Variants in MIS18A observed in about 807,000 individuals in gnomAD.
MIS18A encodes protein Mis18-alpha.
A neutral mutation model predicts 25.0 loss-of-function variants in MIS18A; 14 were observed. The ratio of observed to expected loss-of-function variants is 0.56; its 90% CI spans 0.37 to 0.88. The LOEUF is 0.88. MIS18A is among the 40% of genes least tolerant of loss of function. MIS18A has a pLI of 0.00. For synonymous variants in MIS18A, 134 were observed against 118.6 expected, an observed-to-expected ratio of 1.13 and a Z score of -0.84; for missense variants, 292 against 290.8, an observed-to-expected ratio of 1.00 and a Z score of -0.03.
At chr21:32,156,461 G>A in the MIS18A span, 1 of 152,118 alleles carries the variant, frequency 6.6e-6, no homozygotes, top group East Asian at 1.9e-4. Context: ...ATGCAGTGGA[G>A]GATTTACATG....
chr21:32,279,031 G>A lies in MIS18A; in HGVS notation c.-17C>T, dbSNP rs2031882780. ...GCCTGCCATTACCTACAAATCGCCCGCGCCCCAGAGCGCCATGGGAAAAAA... is the reference window on the plus strand; with the variant it reads ...GCCTGCCATTACCTACAAATCGCCCACGCCCCAGAGCGCCATGGGAAAAAA... On this transcript the variant is annotated 5_prime_UTR_variant, in exon 1 of 5. Transcript: ENST00000290130. The A allele has an allele frequency of 1.9e-6, 3 of 1,570,056 alleles. No homozygotes were observed. Among genetic ancestry groups the A allele is most frequent in the African/African-American group, 2.7e-5 (2 of 73,866 alleles).
chr21:32,241,037 G>GCCAAGC, the MIS18A span, among the ~76,000 whole-genome samples: 1 of 152,202 alleles, frequency 6.6e-6, no homozygotes, highest in African/African-American at 2.4e-5. Flanking sequence ...CTGTTAAAAT[G>GCCAAGC]TGGCCCTATT....
chr21:32,219,808 A>C, the MIS18A span, among the ~76,000 whole-genome samples: 1 of 152,080 alleles, frequency 6.6e-6, no homozygotes, highest in East Asian at 1.9e-4. Context: ...ATCCACCATT[A>C]CTGAGGCTTG....
chr21:32,232,410 CAT>C, the MIS18A span, among the ~76,000 whole-genome samples: 1 of 150,392 alleles, frequency 6.6e-6, no homozygotes, highest in Non-Finnish European at 1.5e-5. Context: ...CTTTATATTA[CAT>C]ATATCTTTAT....
chr21:32,205,097 C>CTTTT, the MIS18A span, among the ~76,000 whole-genome samples: 171 of 66,228 alleles, frequency 2.6e-3, 4 homozygotes, highest in South Asian at 3.6e-3. Flanking sequence ...AGAACTTGTC[C>CTTTT]TTTTTTTTTT....
At chr21:32,264,502 T>A (rs1271857649), downstream of MIS18A, among the ~76,000 whole-genome samples, 4 of 152,236 alleles carry the variant, frequency 2.6e-5, no homozygotes, top group African/African-American at 7.2e-5. Flanking sequence ...AGTAGTGTCA[T>A]ATGCATTATC....
chr21:32,166,175 T>C, the MIS18A span, among the ~76,000 whole-genome samples: 2 of 152,200 alleles, frequency 1.3e-5, no homozygotes, highest in African/African-American at 4.8e-5. Flanking sequence ...TGGTGATGGA[T>C]ACATGCTTCT....
the MIS18A span, among the ~76,000 whole-genome samples, chr21:32,206,932 G>A: frequency 5.9e-5 from 9 of 152,190 alleles, no homozygotes; most frequent in East Asian, 1.4e-3. Context: ...GGCTCTACCC[G>A]TTCAGTTTCA....
At chr21:32,202,302 A>G in the MIS18A span, among the ~76,000 whole-genome samples, 1 of 151,942 alleles carries the variant, frequency 6.6e-6, no homozygotes, top group African/African-American at 2.4e-5. Flanking sequence ...AAAGAAAAAA[A>G]ACAGAAAAGA....
At chr21:32,277,449 CTTTTTTCTT>C (rs1036877960) in intron 1 of MIS18A, among the ~76,000 whole-genome samples, 17 of 152,170 alleles carry the variant, frequency 1.1e-4, no homozygotes, top group Middle Eastern at 3.4e-3. Flanking sequence ...CAAAAATCTG[CTTTTTTCTT>C]TTTTTTCTTT....
chr21:32,180,473 C>T, the MIS18A span, among the ~76,000 whole-genome samples: 5 of 152,234 alleles, frequency 3.3e-5, no homozygotes, highest in African/African-American at 1.2e-4. Flanking sequence ...CTCTCTCTCA[C>T]AGCCCTCTTC....
the MIS18A span, among the ~76,000 whole-genome samples, chr21:32,190,683 G>A: frequency 1.3e-5 from 2 of 152,192 alleles, no homozygotes; most frequent in African/African-American, 4.8e-5. Flanking sequence ...GCCAACCGTG[G>A]GATCTAACAA....
In MIS18A at chr21:32,278,801, C is replaced by T. The variant is rs746752893; in HGVS notation, c.214G>A (p.Glu72Lys). ...GGCCTCTCCTCCGCAGCCGCCGCCTCCTCCTCCAGCTGCGCCCTCTCCATG... is the reference window on the plus strand; with the variant it reads ...GGCCTCTCCTCCGCAGCCGCCGCCTTCTCCTCCAGCTGCGCCCTCTCCATG... ...ADMERAQLEE[E>K]AAAAEERPLV... The change falls in exon 1 of 5, where the codon GAG becomes AAG. Residue 72 changes from glutamate to lysine, a missense_variant. Coordinates refer to ENST00000290130, the MANE Select transcript of MIS18A (RefSeq NM_018944.3). The T allele has an allele frequency of 1.3e-5, 21 of 1,590,472 alleles. No homozygotes were observed. The highest frequency in any genetic ancestry group is 1.7e-5 in the Non-Finnish European group (20 of 1,171,542).
At position 32,274,848 on chromosome 21, in the gene MIS18A, C is replaced by T. The variant is rs557962061; in HGVS notation, c.383G>A (p.Arg128His). ...SVDKEQKLSK[R>H]EKENGCVLET... The stretch of plus-strand genomic sequence containing the variant: ...TACTCACCAACCATTTTCCTTTTCA[C>T]GTTTGGATAGCTTCTGTTCCTTATC... The change falls in exon 2 of 5, where the codon CGT (arginine) becomes CAT (histidine). Residue 128 changes from arginine (R) to histidine (H), a missense_variant. Transcript: ENST00000290130. The T allele has an allele frequency of 1.1e-5, 17 of 1,612,382 alleles. No homozygotes were observed. The highest frequency in any genetic ancestry group is 5.5e-5 in the South Asian group (5 of 90,882).
the MIS18A span, among the ~76,000 whole-genome samples, chr21:32,249,759 G>T: frequency 6.6e-6 from 1 of 152,136 alleles, no homozygotes; most frequent in African/African-American, 2.4e-5. Flanking sequence ...GCTCTCCAGT[G>T]AACTAATAGA....
At chr21:32,241,740 G>GT in the MIS18A span, among the ~76,000 whole-genome samples, 5 of 152,248 alleles carry the variant, frequency 3.3e-5, no homozygotes, top group African/African-American at 4.8e-5. Context: ...CAGAGGCAAA[G>GT]CGGTAACATT....
chr21:32,269,091 T>C lies in MIS18A; in HGVS notation c.648A>G (p.Gln216=). 6.2e-7 allele frequency: 1 copy of C among 1,606,512 alleles called. No homozygotes were observed. ...TGGATTCGGCCTCCCACAGCTTCATTTGTAATGCTTTCAAGACATCTTCCA... is the reference window on the plus strand; with the variant it reads ...TGGATTCGGCCTCCCACAGCTTCATCTGTAATGCTTTCAAGACATCTTCCA... The part of the protein sequence containing the change: ...TQMEDVLKAL[Q]MKLWEAESKL... Residue 216 remains glutamine, a synonymous_variant, in exon 5 of 5, where the codon CAA becomes CAG. Transcript: ENST00000290130.
the MIS18A span, among the ~76,000 whole-genome samples, chr21:32,210,945 C>T: frequency 1.1e-4 from 17 of 152,200 alleles, 1 homozygote; most frequent in Admixed American, 6.5e-4. Context: ...AAAAAAAATA[C>T]TTTCCTGAGT....
At chr21:32,165,616 G>T in the MIS18A span, among the ~76,000 whole-genome samples, 1 of 150,140 alleles carries the variant, frequency 6.7e-6, no homozygotes, top group African/African-American at 2.5e-5. Context: ...AAAAAAAAAA[G>T]GAAAGAAAAG....
Sources: gnomAD v4.1 joint callset for allele counts (sites outside exome capture counted in the v4.1 genomes callset) on GRCh38, gnomAD v4.1.1 for gene constraint, MANE v1.5 for transcripts, NCBI Gene and HGNC (gene_info 2026-07-23, HGNC 2026-07-21) for gene names.